The following MTA3 variants were observed in gnomAD, a reference collection of about 807,000 sequenced individuals.
MTA3 encodes the protein metastasis-associated protein MTA3.
A neutral mutation model predicts 83.5 loss-of-function variants in MTA3; 34 were observed. The observed-to-expected ratio is 0.41, with a 90% CI of 0.31 to 0.54. The LOEUF (loss-of-function observed/expected upper bound fraction) is 0.54, where lower values mean the gene tolerates loss of function less well. MTA3 is among the 20% of genes least tolerant of loss of function. The pLI is 0.33. For synonymous variants in MTA3, 303 were observed against 252.7 expected (o/e 1.20, Z -1.89); for missense variants, 761 against 726.4 (o/e 1.05, Z -0.55).
At chr2:42,516,994 T>A (rs1675172573) in intron 2 of MTA3, among the ~76,000 whole-genome samples, 1 of 152,142 alleles carries the variant, frequency 6.6e-6, no homozygotes, top group Non-Finnish European at 1.5e-5. Context: ...GTGTGGTGGC[T>A]CACGCCTGTA....
At chr2:42,655,696 G>A (rs1689104294) in intron 6 of MTA3, among the ~76,000 whole-genome samples, 3 of 152,274 alleles carry the variant, frequency 2.0e-5, no homozygotes, top group Non-Finnish European at 4.4e-5. Flanking sequence ...TCTACCTTCC[G>A]GGTTCAAGCG....
At chr2:42,628,206 TTTTATTTA>T (rs144338385) in intron 4 of MTA3, among the ~76,000 whole-genome samples, 60 of 142,590 alleles carry the variant, frequency 4.2e-4, no homozygotes, top group East Asian at 1.0e-3. Flanking sequence ...CTTCTTATCG[TTTTATTTA>T]TTTATTTATT....
chr2:42,707,991 T>C lies in MTA3; in HGVS notation c.1239T>C (p.Tyr413=), dbSNP rs1163379190. 3 of 1,613,760 alleles carry C rather than the reference T, an allele frequency of 1.9e-6. No homozygotes were observed. Among genetic ancestry groups the C allele is most frequent in the East Asian group, 2.2e-5 (1 of 44,854 alleles). The change falls in exon 13 of 17, where the codon TAT becomes TAC. Residue 413 remains tyrosine, a synonymous_variant. Coordinates refer to ENST00000405094, the MANE Select transcript of MTA3 (RefSeq NM_001330442.2). Reference sequence around the variant, plus strand: ...TTTGTTGGCTTTATTGGAAAAAATATGGAGGCTTGAAAATGCCCACCCAGT... The same window carrying C: ...TTTGTTGGCTTTATTGGAAAAAATACGGAGGCTTGAAAATGCCCACCCAGT... The part of the protein sequence containing the change: ...CAICWLYWKK[Y]GGLKMPTQSE...
chr2:42,682,284 A>C (rs1468929697), intron 8 of MTA3, 117 bp from the exon 9 acceptor site: 2 of 728,210 alleles, frequency 2.7e-6, no homozygotes, highest in Non-Finnish European at 4.1e-6. Context: ...ATTTTGTTAA[A>C]AAATAAATAA....
chr2:42,497,553 T>G (rs1181103112), intron 2 of MTA3, among the ~76,000 whole-genome samples: 1 of 150,722 alleles, frequency 6.6e-6, no homozygotes, highest in African/African-American at 2.4e-5. Context: ...CCACTGCCCT[T>G]GAGCCTGGGT....
At chr2:42,658,251 G>C (rs1326671009) in intron 7 of MTA3, among the ~76,000 whole-genome samples, 3 of 152,078 alleles carry the variant, frequency 2.0e-5, no homozygotes, top group Non-Finnish European at 4.4e-5. Context: ...AATTGGTACA[G>C]CTCCTTTGGA....
chr2:42,628,327 T>C (rs1686329632), intron 4 of MTA3, among the ~76,000 whole-genome samples: 1 of 151,950 alleles, frequency 6.6e-6, no homozygotes, highest in African/African-American at 2.4e-5. Flanking sequence ...ACCTCCTGGG[T>C]TCAAGTGATT....
intron 16 of MTA3, among the ~76,000 whole-genome samples, chr2:42,734,164 TC>T (rs1668442262): frequency 6.6e-6 from 1 of 152,118 alleles, no homozygotes; most frequent in Admixed American, 6.6e-5. Flanking sequence ...GGTCTCTCTC[TC>T]TCTCTGTAGT....
chr2:42,708,251 G>A (rs947109240), intron 13 of MTA3, among the ~76,000 whole-genome samples, 197 bp downstream of exon 13: 1 of 152,142 alleles, frequency 6.6e-6, no homozygotes, highest in Non-Finnish European at 1.5e-5. Context: ...TCAGAATAAT[G>A]GTCTCAGACA....
intron 2 of MTA3, among the ~76,000 whole-genome samples, chr2:42,556,673 A>G (rs763435627): frequency 6.6e-6 from 1 of 152,216 alleles, no homozygotes; most frequent in Non-Finnish European, 1.5e-5. Flanking sequence ...ACCTTCAGCC[A>G]GAAAGCCACT....
At chr2:42,518,113 A>T (rs1394917186) in intron 2 of MTA3, among the ~76,000 whole-genome samples, 1 of 151,744 alleles carries the variant, frequency 6.6e-6, no homozygotes, top group Non-Finnish European at 1.5e-5. Context: ...CCCGGGAGGC[A>T]GAGGTTGCAA....
At chr2:42,503,328 C>G (rs914739608) in intron 2 of MTA3, among the ~76,000 whole-genome samples, 1 of 152,180 alleles carries the variant, frequency 6.6e-6, no homozygotes, top group Non-Finnish European at 1.5e-5. Context: ...CCAGAGGTCA[C>G]CTTGTCACCA....
Position 42,754,050 on chromosome 2 carries a change from A to G in MTA3, c.*651A>G, listed in dbSNP as rs6757738. 2.7e-3 allele frequency: 2,695 copies of G among 985,490 alleles called. 41 individuals are homozygous for G. The African/African-American group carries it at 0.043, about 16-fold the overall frequency. The allele number at this position is 985,490 out of a possible 1,614,324, so 61.0% of individuals were successfully genotyped here. A position where few individuals can be genotyped will look rare whatever the true frequency, so the allele number is the denominator to read the frequency against. ...GGAACAGAATTACCGAGGTTCTGAC[A>G]AAAGATAAGCCTGTAAACTCATCAT... On this transcript the variant is annotated 3_prime_UTR_variant, in exon 17 of 17. Coordinates refer to ENST00000405094, the MANE Select transcript of MTA3 (RefSeq NM_001330442.2).
chr2:42,643,337 C>T (rs936498941), intron 5 of MTA3, among the ~76,000 whole-genome samples: 1 of 152,116 alleles, frequency 6.6e-6, no homozygotes, highest in East Asian at 1.9e-4. Flanking sequence ...TAGTGGAAAG[C>T]AGAAGATGGG....
chr2:42,592,173 G>T (rs1217329101), intron 3 of MTA3, among the ~76,000 whole-genome samples: 2 of 152,106 alleles, frequency 1.3e-5, no homozygotes, highest in Non-Finnish European at 2.9e-5. Flanking sequence ...GAGGCAGGAG[G>T]ATTGGTTGAG....
At chr2:42,635,616 C>T (rs60001413) in intron 4 of MTA3, among the ~76,000 whole-genome samples, 3 of 150,998 alleles carry the variant, frequency 2.0e-5, no homozygotes, top group East Asian at 1.9e-4. Flanking sequence ...GGCAACAGAG[C>T]GAGACTCTAT....
At chr2:42,692,745 G>C (rs1693016135) in intron 9 of MTA3, among the ~76,000 whole-genome samples, 1 of 152,136 alleles carries the variant, frequency 6.6e-6, no homozygotes, top group South Asian at 2.1e-4. Context: ...TGAATTCTCT[G>C]TCTGAAAGGT....
intron 16 of MTA3, among the ~76,000 whole-genome samples, chr2:42,736,921 T>C (rs80292711): frequency 0.067 from 10,172 of 152,236 alleles, 1,172 homozygotes; most frequent in African/African-American, 0.23. Context: ...AAATGTCATC[T>C]GGGAGTTAGG....
At chr2:42,641,614 G>A (rs1048061760) in intron 5 of MTA3, among the ~76,000 whole-genome samples, 1 of 152,004 alleles carries the variant, frequency 6.6e-6, no homozygotes, top group African/African-American at 2.4e-5. Context: ...TTGGGAGGCC[G>A]AGGTGGGCGG....
Sources: allele counts gnomAD v4.1 joint callset (sites outside exome capture counted in the v4.1 genomes callset), GRCh38; gene constraint gnomAD v4.1.1; transcripts MANE v1.5; gene names NCBI Gene and HGNC (gene_info 2026-07-23, HGNC 2026-07-21).